SPAG1: variants seen among roughly 807,000 people sequenced by gnomAD.
SPAG1 encodes sperm-associated antigen 1.
SPAG1 carries 69 observed loss-of-function variants against 100.5 expected under a neutral mutation model. The observed-to-expected ratio is 0.69, with a 90% confidence interval of 0.57 to 0.84. The LOEUF (loss-of-function observed/expected upper bound fraction) is 0.84. Among genes scored for constraint, SPAG1 ranks in the 40% least tolerant of loss-of-function variants. SPAG1 has a pLI of 0.00. For synonymous variants in SPAG1, 336 were observed against 411.6 expected (o/e 0.82, Z 2.22); for missense variants, 955 against 1,133.1 (o/e 0.84, Z 2.26).
At chr8:100,236,163 T>C (rs1163978655) in intron 16 of SPAG1, among the ~76,000 whole-genome samples, 1 of 152,242 alleles carries the variant, frequency 6.6e-6, no homozygotes, top group Non-Finnish European at 1.5e-5. Flanking sequence ...TTCCTTGGAA[T>C]GAATTCCAGA....
chr8:100,199,934 C>T (rs1461703666), intron 10 of SPAG1, among the ~76,000 whole-genome samples: 2 of 150,546 alleles, frequency 1.3e-5, no homozygotes, highest in African/African-American at 4.9e-5. Flanking sequence ...TTTTAGGGTG[C>T]AGCAACTCAT....
intron 2 of SPAG1, among the ~76,000 whole-genome samples, chr8:100,163,819 A>G (rs768152476): frequency 1.3e-5 from 2 of 152,200 alleles, no homozygotes; most frequent in South Asian, 2.1e-4. Context: ...ATTATCATGT[A>G]TACTTGGTCA....
intron 13 of SPAG1, among the ~76,000 whole-genome samples, chr8:100,221,254 A>G (rs1169153104): frequency 6.6e-6 from 1 of 152,182 alleles, no homozygotes; most frequent in Non-Finnish European, 1.5e-5. Flanking sequence ...GGATGTCTTC[A>G]TGAGCCTGCC....
chr8:100,166,672 G>A (rs1563768868), intron 3 of SPAG1, among the ~76,000 whole-genome samples: 1 of 152,166 alleles, frequency 6.6e-6, no homozygotes, highest in South Asian at 2.1e-4. Context: ...ACTTTGGGAG[G>A]CTGAGGCAGA....
intron 10 of SPAG1, among the ~76,000 whole-genome samples, chr8:100,198,753 A>G (rs1270110864): frequency 6.6e-6 from 1 of 152,190 alleles, no homozygotes. Context: ...ATCATCCCCA[A>G]AAGAAATTCT....
chr8:100,211,278 G>A (rs1817706557), intron 10 of SPAG1, among the ~76,000 whole-genome samples: 1 of 152,054 alleles, frequency 6.6e-6, no homozygotes, highest in Non-Finnish European at 1.5e-5. Context: ...TTCATGTTTG[G>A]GCCTCTGTTT....
Position 100,227,841 on chromosome 8 carries a change from A to ATTTTTTT in SPAG1, c.1855+2519_1855+2525dup, listed in dbSNP as rs34049816. Among the ~76,000 whole-genome samples the ATTTTTTT allele has an allele frequency of 6.7e-5, 7 of 103,796 alleles. 1 individual carries two copies. The highest frequency in any genetic ancestry group is 2.8e-4 in the East Asian group (1 of 3,620). The allele number at this position is 103,796 out of a possible 152,430, so 68.1% of individuals were successfully genotyped here. A position where few individuals can be genotyped will look rare whatever the true frequency, so the allele number is the denominator to read the frequency against. On this transcript the variant is annotated intron_variant, in intron 14 of 18. Transcript: ENST00000388798. ...GTACCATTTGACCCTATTGTGTCAG[A>ATTTTTTT]TTTTTTTTTTTTTTTTTTTTTTTGA...
intron 9 of SPAG1, 37 bp from the exon 10 acceptor site, chr8:100,194,075 G>A: frequency 2.4e-6 from 3 of 1,261,028 alleles, no homozygotes; most frequent in Non-Finnish European, 3.3e-6. Flanking sequence ...TATTATTAGA[G>A]GAAAATATTT....
In SPAG1 at chr8:100,189,876, G is replaced by A. The variant is rs115679311; in HGVS notation, c.833-1514G>A. On this transcript the variant is annotated intron_variant, in intron 8 of 18. Transcript: ENST00000388798. ...GCAATAGCTAAATTATATTTAAAGT[G>A]CAGTGCTACAATTTTAATTAAATTT... Among the ~76,000 whole-genome samples, 1,155 of 152,214 alleles carry A rather than the reference G, an allele frequency of 7.6e-3. 8 individuals carry two copies. The highest frequency in any genetic ancestry group is 0.026 in the African/African-American group (1,075 of 41,532).
chr8:100,214,691 A>T (rs1817887261), intron 12 of SPAG1, among the ~76,000 whole-genome samples: 1 of 152,034 alleles, frequency 6.6e-6, no homozygotes. Context: ...GGCCAGGCAC[A>T]GTGGCTCATG....
At chr8:100,164,429 T>A (rs959263497) in intron 2 of SPAG1, among the ~76,000 whole-genome samples, 1 of 152,218 alleles carries the variant, frequency 6.6e-6, no homozygotes, top group Non-Finnish European at 1.5e-5. Flanking sequence ...AATTTTTTTT[T>A]ATTTTTATTT....
At chr8:100,199,079 C>T (rs1320875729) in intron 10 of SPAG1, among the ~76,000 whole-genome samples, 7 of 152,128 alleles carry the variant, frequency 4.6e-5, no homozygotes, top group Non-Finnish European at 8.8e-5. Context: ...CTGTCATGAA[C>T]GCTCATGTAC....
rs903626847 is a variant in SPAG1, at chr8:100,199,950, CT to C, written c.1096+5692del. 7.0e-3 allele frequency among the ~76,000 whole-genome samples: 1,034 copies of C among 146,876 alleles called. 11 individuals carry two copies. Among genetic ancestry groups the C allele is most frequent in the African/African-American group, 0.023 (925 of 40,146 alleles). On this transcript the variant is annotated intron_variant, in intron 10 of 18. Transcript: ENST00000388798. ...TTTAGGGTGCAGCAACTCATTTTGA[CT>C]TTTTTTTTTATTATACTTTAAGTTC...
At chr8:100,173,174 G>T (rs1815957033) in intron 3 of SPAG1, among the ~76,000 whole-genome samples, 1 of 151,002 alleles carries the variant, frequency 6.6e-6, no homozygotes, top group African/African-American at 2.4e-5. Context: ...AAGTAGCTGG[G>T]ATTACAGGCA....
Position 100,213,011 on chromosome 8 carries a change from C to CT in SPAG1, c.1097-79_1097-78insT, listed in dbSNP as rs1817788603. On this transcript the variant is annotated intron_variant, in intron 10 of 18. Transcript: ENST00000388798. ...TAGAGCCCGCCCTCCGCGTCCTGCA[C>CT]CCCCGCGGCCTCCGCGGCCTCCGCG... 5.8e-6 allele frequency: 7 copies of CT among 1,215,366 alleles called. No individual in the cohort carries two copies. The African/African-American group carries it at 7.7e-5, about 13-fold the overall frequency. 75.3% of individuals were successfully genotyped at this position (1,215,366 alleles called of 1,614,324 possible). A position where few individuals can be genotyped will look rare whatever the true frequency, so the allele number is the denominator to read the frequency against.
At position 100,177,806 on chromosome 8, in the gene SPAG1, C is replaced by T. The variant is rs762977014; in HGVS notation, c.301-10C>T. The T allele has an allele frequency of 1.5e-5, 22 of 1,436,592 alleles. No individual in the cohort carries two copies. The South Asian group carries it at 2.4e-4, about 15-fold the overall frequency. The allele number at this position is 1,436,592 out of a possible 1,614,324, so 89.0% of individuals were successfully genotyped here. On this transcript the variant is annotated splice_polypyrimidine_tract_variant and intron_variant, in intron 3 of 18. Coordinates refer to ENST00000388798, the MANE Select transcript of SPAG1 (RefSeq NM_003114.5). ...TCAAACTATATATTTACCCTTTTCT[C>T]TATTCTCAGAGTTGGGTATCAGAAA...
chr8:100,195,856 A>G (rs62532721), intron 10 of SPAG1, among the ~76,000 whole-genome samples: 24,273 of 152,180 alleles, frequency 0.16, 2,379 homozygotes, highest in South Asian at 0.23. Context: ...GATACAGAAC[A>G]GTTCTACCAC....
At chr8:100,175,325 C>T (rs1816063925) in intron 3 of SPAG1, among the ~76,000 whole-genome samples, 1 of 148,646 alleles carries the variant, frequency 6.7e-6, no homozygotes, top group South Asian at 2.2e-4. Context: ...TGGTCTGTCG[C>T]CCAGCCTGGA....
chr8:100,226,736 C>G (rs528089120), intron 14 of SPAG1, among the ~76,000 whole-genome samples: 1 of 152,108 alleles, frequency 6.6e-6, no homozygotes, highest in South Asian at 2.1e-4. Context: ...TGTAGCTCTA[C>G]AGTAGACCCT....
Sources: gnomAD v4.1 joint callset for allele counts (sites outside exome capture counted in the v4.1 genomes callset) on GRCh38, gnomAD v4.1.1 for gene constraint, MANE v1.5 for transcripts, NCBI Gene and HGNC (gene_info 2026-07-23, HGNC 2026-07-21) for gene names.